Variants in GRB2 observed in about 807,000 individuals in gnomAD.
GRB2 encodes growth factor receptor bound protein 2, also known as growth factor receptor-bound protein 2.
Under a neutral mutation model 27.4 loss-of-function variants are expected in GRB2, and 2 were observed. That is an observed-to-expected ratio of 0.07 (90% CI 0.03 to 0.23). The LOEUF (loss-of-function observed/expected upper bound fraction) is 0.23, where lower values mean the gene tolerates loss of function less well. GRB2 is among the 10% of genes least tolerant of loss of function. The pLI, the probability that GRB2 is intolerant of heterozygous loss-of-function variation, is 1.00. For synonymous variants in GRB2, 94 were observed against 99.6 expected, an observed-to-expected ratio of 0.94 and a Z score of 0.33; for missense variants, 102 against 282.4, an observed-to-expected ratio of 0.36 and a Z score of 4.58.
intron 4 of GRB2, among the ~76,000 whole-genome samples, chr17:75,323,755 T>C (rs2078476579): frequency 6.6e-6 from 1 of 152,006 alleles, no homozygotes; most frequent in Non-Finnish European, 1.5e-5. Flanking sequence ...CAGTTACACT[T>C]GGGTCAGTAT....
At chr17:75,379,257 A>G (rs2078912698) in intron 2 of GRB2, among the ~76,000 whole-genome samples, 1 of 152,152 alleles carries the variant, frequency 6.6e-6, no homozygotes, top group African/African-American at 2.4e-5. Context: ...TGAGTGAGAC[A>G]TTTATTTATT....
chr17:75,325,271 G>C (rs2078491028), intron 4 of GRB2, among the ~76,000 whole-genome samples: 1 of 86,284 alleles, frequency 1.2e-5, no homozygotes, highest in South Asian at 4.0e-4. Flanking sequence ...ATAACTGAAA[G>C]TAAAAAACAT....
chr17:75,323,210 T>C (rs1454974127), intron 4 of GRB2, among the ~76,000 whole-genome samples: 1 of 151,376 alleles, frequency 6.6e-6, no homozygotes, highest in Admixed American at 6.6e-5. Context: ...TTTCAGCTGA[T>C]GGAAACCAAA....
intron 1 of GRB2, among the ~76,000 whole-genome samples, chr17:75,403,185 T>C (rs1056769419): frequency 2.1e-5 from 3 of 146,300 alleles, no homozygotes; most frequent in African/African-American, 7.4e-5. Flanking sequence ...TATATATATA[T>C]ACAGACTCTC....
rs188984511 is a variant in GRB2 at position 75,333,956 on chromosome 17, A to C, written c.79-1159T>G. ...CATATTTCCAATGACCGTTCTCTCC[A>C]ATGCTGCCTCTTGAATTGCATGTAC... is the stretch of plus-strand genomic sequence containing the variant. On this transcript the variant is annotated intron_variant, in intron 2 of 5. Coordinates refer to ENST00000316804, the MANE Select transcript of GRB2 (RefSeq NM_002086.5). 7.2e-5 allele frequency among the ~76,000 whole-genome samples: 11 copies of C among 152,298 alleles called. No individual in the cohort carries two copies. In the East Asian group the frequency reaches 1.9e-3, roughly 27 times the overall value.
chr17:75,349,814 A>T (rs1251116996), intron 2 of GRB2, among the ~76,000 whole-genome samples: 1 of 152,106 alleles, frequency 6.6e-6, no homozygotes, highest in Non-Finnish European at 1.5e-5. Context: ...GGCGTGAGCC[A>T]CCACACCCTG....
At chr17:75,366,720 G>A (rs950163409) in intron 2 of GRB2, among the ~76,000 whole-genome samples, 4 of 152,132 alleles carry the variant, frequency 2.6e-5, no homozygotes, top group Admixed American at 6.6e-5. Flanking sequence ...TGACGTGGGA[G>A]GATCACCTCT....
Position 75,336,277 on chromosome 17 carries a change from C to T in GRB2, c.79-3480G>A, listed in dbSNP as rs187752305. 4.5e-4 allele frequency among the ~76,000 whole-genome samples: 68 copies of T among 152,258 alleles called. No individual in the cohort carries two copies. In the Middle Eastern group the frequency reaches 0.014, roughly 30 times the overall value. On this transcript the variant is annotated intron_variant, in intron 2 of 5. Transcript: ENST00000316804. The stretch of plus-strand genomic sequence containing the variant: ...GCTGGAGTAGCTGGGACTACAGGTG[C>T]GTGCACCCATACCAGCTATGAAGAG...
chr17:75,395,630 T>C (rs1429277442), intron 1 of GRB2, among the ~76,000 whole-genome samples: 2 of 152,204 alleles, frequency 1.3e-5, no homozygotes, highest in Non-Finnish European at 2.9e-5. Context: ...TTGTGGTCAA[T>C]GCACAAAATG....
chr17:75,403,811 C>G (rs749636866), intron 1 of GRB2, among the ~76,000 whole-genome samples: 4 of 151,584 alleles, frequency 2.6e-5, no homozygotes, highest in Non-Finnish European at 1.5e-5. Context: ...TAGAAGAAAG[C>G]TGATTATAAG....
chr17:75,355,578 T>A (rs2145843567), intron 2 of GRB2, among the ~76,000 whole-genome samples: 1 of 137,508 alleles, frequency 7.3e-6, no homozygotes. Context: ...ACACATAAAA[T>A]ACACTAACAC....
intron 2 of GRB2, among the ~76,000 whole-genome samples, chr17:75,344,076 T>C (rs916525918): frequency 2.6e-5 from 4 of 152,180 alleles, no homozygotes; most frequent in Non-Finnish European, 4.4e-5. Flanking sequence ...GGGTACTATG[T>C]AGGCATCAAT....
intron 4 of GRB2, among the ~76,000 whole-genome samples, chr17:75,325,039 G>T (rs1170797107): frequency 6.6e-6 from 1 of 152,018 alleles, no homozygotes; most frequent in Admixed American, 6.6e-5. Flanking sequence ...CATGCCATTG[G>T]ACTCCAGCCT....
intron 2 of GRB2, among the ~76,000 whole-genome samples, chr17:75,353,093 G>A (rs2043043451): frequency 6.6e-6 from 1 of 150,952 alleles, no homozygotes; most frequent in Non-Finnish European, 1.5e-5. Flanking sequence ...GCTGAGGCAG[G>A]AGAATGGCGT....
At chr17:75,364,544 A>G (rs993365301) in intron 2 of GRB2, among the ~76,000 whole-genome samples, 1 of 152,034 alleles carries the variant, frequency 6.6e-6, no homozygotes, top group African/African-American at 2.4e-5. Context: ...AGGTCTGACC[A>G]ATTCCAGAGT....
intron 2 of GRB2, among the ~76,000 whole-genome samples, chr17:75,337,967 G>A (rs540647077): frequency 2.6e-4 from 39 of 148,696 alleles, no homozygotes; most frequent in African/African-American, 9.2e-4. Flanking sequence ...GTCTCACTCT[G>A]TTGCCCAGGC....
At chr17:75,403,389 C>CT (rs1454922553) in intron 1 of GRB2, among the ~76,000 whole-genome samples, 2 of 152,088 alleles carry the variant, frequency 1.3e-5, no homozygotes, top group African/African-American at 4.8e-5. Flanking sequence ...AGAAGAATCT[C>CT]TAAGTACCAT....
Position 75,332,799 on chromosome 17 carries a change from T to C in GRB2, c.79-2A>G. On this transcript the variant is annotated splice_acceptor_variant, in intron 2 of 5. Transcript: ENST00000316804. LOFTEE classifies it high-confidence loss of function. ...CTGATCACATTCTTCGTTCAAAACC[T>C]GAAAAGAAATAAGACAACAAAAAAA... is the stretch of plus-strand genomic sequence containing the variant. The C allele has an allele frequency of 6.3e-7, 1 of 1,580,648 alleles. No homozygotes were observed. Among genetic ancestry groups the C allele is most frequent in the Non-Finnish European group, 8.7e-7 (1 of 1,155,362 alleles).
intron 2 of GRB2, among the ~76,000 whole-genome samples, chr17:75,354,030 ACT>A (rs34861208): frequency 0.66 from 99,922 of 150,752 alleles, 38,629 homozygotes; most frequent in East Asian, 0.91. Context: ...ACAGAGCGAG[ACT>A]CTGTCTCAAA....
Sources: allele counts gnomAD v4.1 joint callset (sites outside exome capture counted in the v4.1 genomes callset), GRCh38; gene constraint gnomAD v4.1.1; transcripts MANE v1.5; gene names NCBI Gene and HGNC (gene_info 2026-07-23, HGNC 2026-07-21).